PALLD: variants seen among roughly 807,000 people sequenced by gnomAD.
PALLD encodes palladin, cytoskeletal associated protein.
PALLD carries 61 observed loss-of-function variants against 123.5 expected under a neutral mutation model. That is an observed-to-expected ratio of 0.49 (90% CI 0.40 to 0.61). PALLD has a LOEUF of 0.61. Among genes scored for constraint, PALLD ranks in the 20% least tolerant of loss-of-function variants. The pLI is 0.00. For missense variants in PALLD, 1,273 were observed against 1,377.0 expected, an observed-to-expected ratio of 0.92 and a Z score of 1.20; for synonymous variants, 465 against 496.4, an observed-to-expected ratio of 0.94 and a Z score of 0.84.
chr4:168,733,795 T>C (rs1787421207), intron 10 of PALLD, among the ~76,000 whole-genome samples: 1 of 152,124 alleles, frequency 6.6e-6, no homozygotes. Context: ...CTGCAGTGGG[T>C]GCTATCTTGG....
At chr4:168,698,256 T>C (rs1307207439) in intron 8 of PALLD, among the ~76,000 whole-genome samples, 1 of 152,124 alleles carries the variant, frequency 6.6e-6, no homozygotes, top group African/African-American at 2.4e-5. Context: ...TACAAAAATA[T>C]AGTTAGAAAG....
chr4:168,703,598 A>G (rs1783919681), intron 8 of PALLD, among the ~76,000 whole-genome samples: 1 of 128,130 alleles, frequency 7.8e-6, no homozygotes, highest in African/African-American at 3.5e-5. Context: ...AATGATTGCC[A>G]TTCTAACTGG....
At chr4:168,901,272 A>G (rs1756459707) in intron 14 of PALLD, among the ~76,000 whole-genome samples, 1 of 152,166 alleles carries the variant, frequency 6.6e-6, no homozygotes, top group African/African-American at 2.4e-5. Context: ...CTTATGTTTT[A>G]AAAATATTTT....
chr4:168,794,504 A>ATG (rs767827517), intron 10 of PALLD, among the ~76,000 whole-genome samples: 3,397 of 134,324 alleles, frequency 0.025, 53 homozygotes, highest in Middle Eastern at 0.033. Flanking sequence ...GCACACACAC[A>ATG]CGCACACACA....
At chr4:168,899,963 T>G in intron 14 of PALLD, among the ~76,000 whole-genome samples, 1 of 151,898 alleles carries the variant, frequency 6.6e-6, no homozygotes. Context: ...GGCTCACAGT[T>G]CTGCATGGTA....
At chr4:168,818,803 A>G (rs1016214052) in intron 10 of PALLD, among the ~76,000 whole-genome samples, 1 of 152,210 alleles carries the variant, frequency 6.6e-6, no homozygotes, top group African/African-American at 2.4e-5. Flanking sequence ...AGCAATTAAA[A>G]CTGGTAATGA....
intron 1 of PALLD, among the ~76,000 whole-genome samples, chr4:168,499,902 A>ACC (rs199539151): frequency 1.4e-5 from 1 of 71,986 alleles, no homozygotes; most frequent in Non-Finnish European, 2.7e-5. Context: ...TTCTTCATCG[A>ACC]CTCAAAGTAT....
chr4:168,556,851 C>G (rs779670673), intron 2 of PALLD, among the ~76,000 whole-genome samples: 23 of 149,334 alleles, frequency 1.5e-4, no homozygotes, highest in African/African-American at 4.7e-4. Context: ...TCCATACTCT[C>G]GTGACTAAGG....
intron 10 of PALLD, among the ~76,000 whole-genome samples, chr4:168,823,960 G>A (rs1347702694): frequency 6.6e-6 from 1 of 152,178 alleles, no homozygotes; most frequent in African/African-American, 2.4e-5. Context: ...GCAAACAAGG[G>A]AACAATGACA....
At chr4:168,608,275 G>A (rs916658833) in intron 2 of PALLD, among the ~76,000 whole-genome samples, 4 of 152,190 alleles carry the variant, frequency 2.6e-5, no homozygotes, top group African/African-American at 9.7e-5. Flanking sequence ...TTTCTCAGAG[G>A]CATGAATCTG....
At chr4:168,698,504 C>T (rs879829932) in intron 8 of PALLD, among the ~76,000 whole-genome samples, 1 of 152,028 alleles carries the variant, frequency 6.6e-6, no homozygotes, top group East Asian at 1.9e-4. Context: ...AATATATATA[C>T]TTCCTATGTA....
chr4:168,670,481 C>T (rs1780088465), intron 3 of PALLD, among the ~76,000 whole-genome samples: 1 of 151,016 alleles, frequency 6.6e-6, no homozygotes, highest in South Asian at 2.1e-4. Flanking sequence ...CGCCTGTAAT[C>T]CCAGCACTTT....
At chr4:168,769,275 T>G (rs1734088812) in intron 10 of PALLD, among the ~76,000 whole-genome samples, 1 of 152,212 alleles carries the variant, frequency 6.6e-6, no homozygotes, top group South Asian at 2.1e-4. Flanking sequence ...TGCACATGCC[T>G]GCCCTGGAGC....
intron 10 of PALLD, among the ~76,000 whole-genome samples, chr4:168,842,753 G>A (rs1460950287): frequency 1.3e-5 from 2 of 152,162 alleles, no homozygotes; most frequent in Non-Finnish European, 2.9e-5. Flanking sequence ...CTCTCTATCT[G>A]CTCCGTCTTC....
chr4:168,593,440 A>AAAAAAAAG (rs1554047277), intron 2 of PALLD, among the ~76,000 whole-genome samples: 15 of 140,932 alleles, frequency 1.1e-4, no homozygotes, highest in East Asian at 4.2e-4. Flanking sequence ...ACCAGGCAAA[A>AAAAAAAAG]AAAAAAGAAA....
At chr4:168,912,464 C>T (rs186724397) in intron 15 of PALLD, among the ~76,000 whole-genome samples, 1 of 152,196 alleles carries the variant, frequency 6.6e-6, no homozygotes, top group Non-Finnish European at 1.5e-5. Flanking sequence ...GTGAAAAAAA[C>T]AAATTAAGAG....
chr4:168,679,319 G>A (rs1390731647), intron 3 of PALLD, among the ~76,000 whole-genome samples: 1 of 98,406 alleles, frequency 1.0e-5, no homozygotes, highest in Non-Finnish European at 2.1e-5. Flanking sequence ...TGTGGTGTGC[G>A]GTGGGGGGTA....
chr4:168,655,076 T>A (rs967384350), intron 2 of PALLD, among the ~76,000 whole-genome samples: 2 of 152,154 alleles, frequency 1.3e-5, no homozygotes, highest in Non-Finnish European at 2.9e-5. Flanking sequence ...TGGTGCAAGG[T>A]CCATAAGTGC....
intron 2 of PALLD, among the ~76,000 whole-genome samples, chr4:168,663,676 A>C (rs1779342521): frequency 6.6e-6 from 1 of 152,228 alleles, no homozygotes; most frequent in Admixed American, 6.5e-5. Flanking sequence ...TGCATGCAAA[A>C]TTATGTTCTT....
Sources: gnomAD v4.1 joint callset for allele counts (sites outside exome capture counted in the v4.1 genomes callset) on GRCh38, gnomAD v4.1.1 for gene constraint, MANE v1.5 for transcripts, NCBI Gene and HGNC (gene_info 2026-07-23, HGNC 2026-07-21) for gene names.